The following PIGU variants were observed in gnomAD, a reference collection of about 807,000 sequenced individuals.
PIGU encodes GPI-anchor transamidase component PIGU.
In PIGU, 24 loss-of-function variants were observed where a neutral mutation model predicts 49.9. The ratio of observed to expected loss-of-function variants is 0.48; its 90% CI spans 0.35 to 0.68. The LOEUF (loss-of-function observed/expected upper bound fraction) is 0.68. PIGU is among the 30% of genes least tolerant of loss of function. The pLI is 0.01. For missense variants in PIGU, 490 were observed against 532.6 expected, an observed-to-expected ratio of 0.92 and a Z score of 0.79; for synonymous variants, 220 against 205.7, an observed-to-expected ratio of 1.07 and a Z score of -0.59.
intron 2 of PIGU, among the ~76,000 whole-genome samples, chr20:34,648,575 G>A (rs1986428293): frequency 6.6e-6 from 1 of 152,072 alleles, no homozygotes; most frequent in African/African-American, 2.4e-5. Flanking sequence ...CTGAAACAAA[G>A]TCTCACTCTG....
chr20:34,577,211 T>TA (rs1983271566), intron 10 of PIGU, among the ~76,000 whole-genome samples: 1 of 152,230 alleles, frequency 6.6e-6, no homozygotes, highest in Non-Finnish European at 1.5e-5. Context: ...AGCAGACACT[T>TA]AATGAATGGA....
At chr20:34,567,066 C>T (rs1982797998) in intron 11 of PIGU, among the ~76,000 whole-genome samples, 1 of 152,234 alleles carries the variant, frequency 6.6e-6, no homozygotes, top group Admixed American at 6.5e-5. Context: ...TTCCCCAGGC[C>T]TCCTGCTGCT....
chr20:34,631,772 T>TAA (rs1985773884), intron 6 of PIGU, among the ~76,000 whole-genome samples: 1 of 4,224 alleles, frequency 2.4e-4, no homozygotes, highest in Non-Finnish European at 4.1e-4. Context: ...TATATATATA[T>TAA]ATATATATAT....
At chr20:34,585,615 C>T (rs768193876) in intron 8 of PIGU, 35 bp from the exon 9 acceptor site, 2 of 1,604,652 alleles carry the variant, frequency 1.2e-6, no homozygotes, top group Non-Finnish European at 1.7e-6. Flanking sequence ...AGAAAAAAGA[C>T]AAAAGTTATA....
chr20:34,645,822 A>G (rs1323856026), intron 2 of PIGU, among the ~76,000 whole-genome samples: 4 of 152,108 alleles, frequency 2.6e-5, no homozygotes, highest in African/African-American at 9.7e-5. Flanking sequence ...GCGTGAACCC[A>G]GGAGGCAGAG....
chr20:34,673,855 C>A (rs1031832161), intron 1 of PIGU, among the ~76,000 whole-genome samples: 1 of 151,662 alleles, frequency 6.6e-6, no homozygotes, highest in African/African-American at 2.4e-5. Flanking sequence ...GAGATCAAGA[C>A]CAGCCTGGCT....
chr20:34,620,864 C>T (rs1363809028), intron 6 of PIGU, among the ~76,000 whole-genome samples: 1 of 150,712 alleles, frequency 6.6e-6, no homozygotes, highest in Non-Finnish European at 1.5e-5. Flanking sequence ...TCAAAAAGGT[C>T]CTCAGGAAAC....
chr20:34,658,428 T>C (rs1475754842), intron 1 of PIGU, among the ~76,000 whole-genome samples: 2 of 152,158 alleles, frequency 1.3e-5, no homozygotes, highest in African/African-American at 4.8e-5. Flanking sequence ...GTCTGGGAAG[T>C]GAGGAGCATC....
intron 11 of PIGU, among the ~76,000 whole-genome samples, chr20:34,566,815 C>T (rs2146691442): frequency 6.6e-6 from 1 of 152,322 alleles, no homozygotes; most frequent in East Asian, 1.9e-4. Flanking sequence ...CTGAGTCCTG[C>T]TACATGCCAG....
chr20:34,658,697 T>C (rs1201223552), intron 1 of PIGU, among the ~76,000 whole-genome samples: 1 of 143,928 alleles, frequency 6.9e-6, no homozygotes, highest in Non-Finnish European at 1.5e-5. Context: ...GTCTGAGAAG[T>C]GAGGAGACCC....
chr20:34,617,265 C>T (rs1327831175), intron 6 of PIGU, among the ~76,000 whole-genome samples: 1 of 152,186 alleles, frequency 6.6e-6, no homozygotes, highest in Non-Finnish European at 1.5e-5. Flanking sequence ...GATCCACCGA[C>T]AGCTTGCACC....
Position 34,593,050 on chromosome 20 carries a change from A to T in PIGU, c.628-4443T>A, listed in dbSNP as rs140429502. On this transcript the variant is annotated intron_variant, in intron 7 of 11. Transcript: ENST00000217446. ...AAAATTAATTCACAAGAAAATAGAA[A>T]ATTGGCCCAGGTGTGATGGCTCATG... Among the ~76,000 whole-genome samples the T allele has an allele frequency of 5.7e-3, 866 of 152,236 alleles. 11 individuals carry two copies. Among genetic ancestry groups the T allele is most frequent in the African/African-American group, 0.02 (825 of 41,558 alleles).
intron 6 of PIGU, among the ~76,000 whole-genome samples, chr20:34,623,307 G>T (rs943878830): frequency 6.6e-6 from 1 of 151,532 alleles, no homozygotes. Flanking sequence ...CAGGGCCAAT[G>T]TATTACATTC....
intron 10 of PIGU, among the ~76,000 whole-genome samples, chr20:34,575,698 TGCCACAG>T (rs1244296688): frequency 6.6e-6 from 1 of 152,198 alleles, no homozygotes; most frequent in Non-Finnish European, 1.5e-5. Flanking sequence ...GTCTCCATGG[TGCCACAG>T]TCCTGGGTCT....
At chr20:34,674,020 T>C (rs918138118) in intron 1 of PIGU, among the ~76,000 whole-genome samples, 3 of 150,486 alleles carry the variant, frequency 2.0e-5, no homozygotes, top group Admixed American at 6.7e-5. Flanking sequence ...GCCACTACAC[T>C]CCAGCCTGGG....
chr20:34,596,303 G>A (rs536109563), intron 7 of PIGU, among the ~76,000 whole-genome samples: 1 of 152,310 alleles, frequency 6.6e-6, no homozygotes, highest in African/African-American at 2.4e-5. Flanking sequence ...AACTGTCTCA[G>A]ACTAGGACAG....
At chr20:34,635,893 G>T (rs1003505182) in intron 5 of PIGU, among the ~76,000 whole-genome samples, 8 of 150,926 alleles carry the variant, frequency 5.3e-5, no homozygotes, top group African/African-American at 1.9e-4. Context: ...AAAAAGAACA[G>T]ATAATAAAAA....
At chr20:34,659,293 A>C (rs1986846864) in intron 1 of PIGU, among the ~76,000 whole-genome samples, 1 of 142,110 alleles carries the variant, frequency 7.0e-6, no homozygotes, top group African/African-American at 2.7e-5. Context: ...CCCGTCCGGG[A>C]GGGAGGTGGG....
intron 7 of PIGU, among the ~76,000 whole-genome samples, chr20:34,609,613 C>A (rs1445279960): frequency 6.6e-6 from 1 of 152,178 alleles, no homozygotes; most frequent in Admixed American, 6.5e-5. Context: ...GATCCACCCA[C>A]CTTGGCCTCC....
Sources: gnomAD v4.1 joint callset for allele counts (sites outside exome capture counted in the v4.1 genomes callset) on GRCh38, gnomAD v4.1.1 for gene constraint, MANE v1.5 for transcripts, NCBI Gene and HGNC (gene_info 2026-07-23, HGNC 2026-07-21) for gene names.